The following GNAZ variants were observed in gnomAD, a reference collection of about 807,000 sequenced individuals.
The protein encoded by GNAZ is G protein subunit alpha z.
A neutral mutation model predicts 25.4 loss-of-function variants in GNAZ; 3 were observed. That is an observed-to-expected ratio of 0.12 (90% confidence interval 0.05 to 0.30). The LOEUF is 0.30. GNAZ is among the 10% of genes least tolerant of loss of function. The pLI is 1.00. For synonymous variants in GNAZ, 211 were observed against 205.7 expected, an observed-to-expected ratio of 1.03 and a Z score of -0.22; for missense variants, 241 against 501.8, an observed-to-expected ratio of 0.48 and a Z score of 4.97.
At position 23,095,390 on chromosome 22, in the gene GNAZ, C is replaced by T. The variant is rs576041326; in HGVS notation, c.-306C>T. On this transcript the variant is annotated 5_prime_UTR_variant, in exon 2 of 3. Transcript: ENST00000615612. ...CGGCAGCAGCCGAGGCAAACACAAG[C>T]GGACGGCTTCCCACCGTCGCCGAGG... 8 of 359,290 alleles carry T rather than the reference C, an allele frequency of 2.2e-5. No individual in the cohort carries two copies. The East Asian group carries it at 2.7e-4, about 12-fold the overall frequency. The allele number at this position is 359,290 out of a possible 1,614,324, so 22.3% of individuals were successfully genotyped here. A position where few individuals can be genotyped will look rare whatever the true frequency, so the allele number is the denominator to read the frequency against.
intron 1 of GNAZ, among the ~76,000 whole-genome samples, chr22:23,074,512 G>A (rs1326666056): frequency 6.6e-6 from 1 of 152,168 alleles, no homozygotes; most frequent in African/African-American, 2.4e-5. Flanking sequence ...AGCCATTGAT[G>A]GGCACATGTG....
At chr22:23,106,208 C>T (rs908159756) in intron 2 of GNAZ, among the ~76,000 whole-genome samples, 3 of 152,252 alleles carry the variant, frequency 2.0e-5, no homozygotes, top group South Asian at 2.1e-4. Flanking sequence ...TAAGACCCTG[C>T]AAGTCAGTGA....
intron 1 of GNAZ, among the ~76,000 whole-genome samples, chr22:23,088,722 A>G (rs1332042635): frequency 6.6e-6 from 1 of 152,208 alleles, no homozygotes. Context: ...ACTGGTCCCC[A>G]CATTGAGGCT....
chr22:23,105,208 A>G (rs2069429121), intron 2 of GNAZ, among the ~76,000 whole-genome samples: 1 of 152,170 alleles, frequency 6.6e-6, no homozygotes, highest in Admixed American at 6.5e-5. Context: ...ACCAGGGGAG[A>G]AGCACAGCAG....
chr22:23,103,371 C>T (rs547644570), intron 2 of GNAZ, among the ~76,000 whole-genome samples: 4 of 152,292 alleles, frequency 2.6e-5, no homozygotes, highest in South Asian at 2.1e-4. Flanking sequence ...GAGAGTCTGC[C>T]AGCCAGGCTC....
intron 2 of GNAZ, among the ~76,000 whole-genome samples, chr22:23,100,670 C>G (rs2069274788): frequency 6.6e-6 from 1 of 152,216 alleles, no homozygotes; most frequent in South Asian, 2.1e-4. Flanking sequence ...CCCGGCACAG[C>G]CTGTGCTCTG....
At chr22:23,079,594 A>G (rs759790245) in intron 1 of GNAZ, among the ~76,000 whole-genome samples, 12 of 152,192 alleles carry the variant, frequency 7.9e-5, no homozygotes, top group Non-Finnish European at 1.2e-4. Context: ...TTTCAAGCAC[A>G]AGTGAGACAT....
rs2068358483 is a variant in GNAZ at position 23,071,083 on chromosome 22, A to G, written c.-450+513A>G. On this transcript the variant is annotated intron_variant, in intron 1 of 2. Transcript: ENST00000615612. The surrounding 1 kb of genome is among the most constrained non-coding windows in gnomAD (Gnocchi z 4.1). ...GACCTGGGCCCGCAGACGGACAGCT[A>G]GCAGTTCTCGGTCACTGCTCTTGCA... is the stretch of plus-strand genomic sequence containing the variant. Among the ~76,000 whole-genome samples the G allele has an allele frequency of 6.6e-6, 1 of 152,206 alleles. No individual in the cohort carries two copies. The highest frequency in any genetic ancestry group is 1.9e-4 in the East Asian group (1 of 5,192).
rs147293509 is a variant in GNAZ, at chr22:23,096,549, G to A, written c.723+131G>A. On this transcript the variant is annotated intron_variant, in intron 2 of 2. Transcript: ENST00000615612. ...AGGCGCAGGCCTGGCCCTGCTGCACGATAACTGAGGCAGCTCCAGCAAGGT... is the reference window on the plus strand; with the variant it reads ...AGGCGCAGGCCTGGCCCTGCTGCACAATAACTGAGGCAGCTCCAGCAAGGT... 3.0e-4 allele frequency: 279 copies of A among 937,742 alleles called. 4 individuals carry two copies. The African/African-American group carries it at 4.2e-3, about 14-fold the overall frequency. The allele number at this position is 937,742 out of a possible 1,614,324, so 58.1% of individuals were successfully genotyped here.
intron 2 of GNAZ, among the ~76,000 whole-genome samples, chr22:23,101,607 G>A (rs2069304775): frequency 6.6e-6 from 1 of 152,232 alleles, no homozygotes; most frequent in Admixed American, 6.5e-5. Flanking sequence ...AAGCCAGAAG[G>A]CCTGCCGCCC....
chr22:23,106,630 T>C (rs1341783252), intron 2 of GNAZ, among the ~76,000 whole-genome samples: 1 of 152,216 alleles, frequency 6.6e-6, no homozygotes, highest in Non-Finnish European at 1.5e-5. Context: ...AGGCTCAGGC[T>C]GTAGGATAAC....
At position 23,071,910 on chromosome 22, in the gene GNAZ, G is replaced by T. The variant is rs2068388389; in HGVS notation, c.-450+1340G>T. On this transcript the variant is annotated intron_variant, in intron 1 of 2. Coordinates refer to ENST00000615612, the MANE Select transcript of GNAZ (RefSeq NM_002073.4). This position sits in a 1 kb window ranked among gnomAD's most constrained non-coding sequence, Gnocchi z 4.1. ...TTAGCATGCCTGGGGAGTAGGAGGAGGTATGGCGGGAAAGGCCGGTGGGGG... is the reference window on the plus strand; with the variant it reads ...TTAGCATGCCTGGGGAGTAGGAGGATGTATGGCGGGAAAGGCCGGTGGGGG... 6.6e-6 allele frequency among the ~76,000 whole-genome samples: 1 copy of T among 152,152 alleles called. No individual in the cohort carries two copies. The highest frequency in any genetic ancestry group is 2.4e-5 in the African/African-American group (1 of 41,420).
At chr22:23,076,190 A>G (rs1308344886) in intron 1 of GNAZ, among the ~76,000 whole-genome samples, 1 of 152,072 alleles carries the variant, frequency 6.6e-6, no homozygotes, top group African/African-American at 2.4e-5. Context: ...CATGTTTCCT[A>G]TGCCCTTTCC....
chr22:23,092,026 T>A (rs2068994722), intron 1 of GNAZ, among the ~76,000 whole-genome samples: 1 of 152,172 alleles, frequency 6.6e-6, no homozygotes. Flanking sequence ...ATTCCTCTGG[T>A]ATTTCTAGCC....
At chr22:23,120,733 GC>G (rs924431797) in intron 2 of GNAZ, among the ~76,000 whole-genome samples, 2 of 151,908 alleles carry the variant, frequency 1.3e-5, no homozygotes, top group Non-Finnish European at 2.9e-5. Context: ...CCCGGAGGAA[GC>G]CCCCTACCCC....
intron 2 of GNAZ, among the ~76,000 whole-genome samples, chr22:23,100,134 C>A (rs981081876): frequency 6.6e-6 from 1 of 152,216 alleles, no homozygotes; most frequent in African/African-American, 2.4e-5. Context: ...AAGGCTCAGG[C>A]TGGGGCCAAG....
At chr22:23,082,377 AT>A (rs34931887) in intron 1 of GNAZ, among the ~76,000 whole-genome samples, 32,940 of 116,370 alleles carry the variant, frequency 0.28, 3,812 homozygotes, top group East Asian at 0.39. Flanking sequence ...ACACCTGGCT[AT>A]TTTTTTTTTT....
chr22:23,122,617 A>T, intron 2 of GNAZ: 1 of 167,902 alleles, frequency 6.0e-6, no homozygotes, highest in Admixed American at 5.5e-5. Flanking sequence ...GCCAGAACCC[A>T]GATAGGGCAC....
chr22:23,073,617 C>T (rs556922030), intron 1 of GNAZ, among the ~76,000 whole-genome samples: 3 of 152,304 alleles, frequency 2.0e-5, no homozygotes, highest in African/African-American at 7.2e-5. Context: ...GTGCGAACAC[C>T]GCCAGGGGAG....
Sources: gnomAD v4.1 joint callset for allele counts (sites outside exome capture counted in the v4.1 genomes callset) on GRCh38, gnomAD v4.1.1 for gene constraint, Gnocchi (gnomAD v3.1) non-coding constraint, MANE v1.5 for transcripts, NCBI Gene and HGNC (gene_info 2026-07-23, HGNC 2026-07-21) for gene names.